Variants in DOCK4 observed in about 807,000 individuals in gnomAD.
DOCK4 encodes the protein dedicator of cytokinesis protein 4.
A neutral mutation model predicts 268.1 loss-of-function variants in DOCK4; 97 were observed. The observed-to-expected ratio is 0.36, with a 90% CI of 0.31 to 0.43. DOCK4 has a LOEUF of 0.43. Ranked by LOEUF, DOCK4 falls within the 20% of genes least tolerant of loss-of-function variation. DOCK4 has a pLI of 1.00. For synonymous variants in DOCK4, 954 were observed against 887.2 expected, an observed-to-expected ratio of 1.08 and a Z score of -1.34; for missense variants, 2,145 against 2,455.7, an observed-to-expected ratio of 0.87 and a Z score of 2.67.
At chr7:111,846,943 T>C in intron 24 of DOCK4, 56 bp downstream of exon 24, 1 of 1,558,428 alleles carries the variant, frequency 6.4e-7, no homozygotes, top group Non-Finnish European at 8.7e-7. Flanking sequence ...CTATTACAAG[T>C]TTATTTCCAG....
At chr7:112,000,571 C>G in intron 2 of DOCK4, 37 bp from the exon 3 acceptor site, 2 of 1,445,784 alleles carry the variant, frequency 1.4e-6, no homozygotes, top group Non-Finnish European at 1.9e-6. Context: ...TTTGATAAAC[C>G]ATTGTAATAT....
intron 42 of DOCK4, among the ~76,000 whole-genome samples, chr7:111,753,415 C>A (rs1796823550): frequency 6.6e-6 from 1 of 152,056 alleles, no homozygotes; most frequent in African/African-American, 2.4e-5. Flanking sequence ...GTCAAGGCTG[C>A]AGTGAGCCAT....
intron 8 of DOCK4, among the ~76,000 whole-genome samples, chr7:111,974,640 T>C (rs1798028735): frequency 6.8e-6 from 1 of 147,522 alleles, no homozygotes; most frequent in Admixed American, 6.8e-5. Flanking sequence ...GAGGGAAAAG[T>C]GGAGGGAGAG....
rs143072089 is a variant in DOCK4, at chr7:112,162,998, C to T, written c.37+43104G>A. 1.1e-4 allele frequency among the ~76,000 whole-genome samples: 16 copies of T among 152,238 alleles called. No homozygotes were observed. The East Asian group carries it at 2.3e-3, about 22-fold the overall frequency. ...CACTGCCTGAGTGTGGGGAGCCAGA[C>T]GTCAACTTATCCTCCTTTGTAGCTG... On this transcript the variant is annotated intron_variant, in intron 1 of 52. Coordinates refer to ENST00000428084, the MANE Select transcript of DOCK4 (RefSeq NM_001363540.2).
chr7:111,889,329 T>C (rs1808103331), intron 16 of DOCK4, among the ~76,000 whole-genome samples: 2 of 152,150 alleles, frequency 1.3e-5, no homozygotes, highest in Non-Finnish European at 1.5e-5. Flanking sequence ...CTAAGATTTA[T>C]AGATTATGGT....
intron 42 of DOCK4, among the ~76,000 whole-genome samples, chr7:111,751,255 T>G (rs1347377755): frequency 2.0e-5 from 3 of 152,170 alleles, no homozygotes; most frequent in Non-Finnish European, 4.4e-5. Context: ...TTCACTGGGA[T>G]GCAGTCTGCA....
At chr7:111,898,503 T>A (rs991525734) in intron 15 of DOCK4, among the ~76,000 whole-genome samples, 2 of 152,244 alleles carry the variant, frequency 1.3e-5, no homozygotes, top group Non-Finnish European at 2.9e-5. Context: ...AGCTATTATC[T>A]GTCTTTCCTC....
At chr7:112,011,642 A>G (rs1801320404) in intron 1 of DOCK4, among the ~76,000 whole-genome samples, 1 of 150,460 alleles carries the variant, frequency 6.6e-6, no homozygotes, top group African/African-American at 2.5e-5. Flanking sequence ...CAATAAATGA[A>G]CCCGTTTTAT....
At chr7:111,953,788 G>C (rs1245317604) in intron 8 of DOCK4, 2 of 152,238 alleles carry the variant, frequency 1.3e-5, no homozygotes, top group Admixed American at 1.3e-4. Context: ...CTACCAGGGA[G>C]AACAAAGGTT....
At chr7:111,994,873 G>A (rs1456134797) in intron 4 of DOCK4, among the ~76,000 whole-genome samples, 1 of 152,026 alleles carries the variant, frequency 6.6e-6, no homozygotes, top group African/African-American at 2.4e-5. Context: ...GTTCCAAAAT[G>A]TTCCTCTTTC....
intron 12 of DOCK4, among the ~76,000 whole-genome samples, chr7:111,931,763 A>C (rs1478409895): frequency 6.6e-6 from 1 of 152,234 alleles, no homozygotes; most frequent in African/African-American, 2.4e-5. Flanking sequence ...TATTTCAGCT[A>C]GTGGCTTTAA....
At position 112,110,027 on chromosome 7, in the gene DOCK4, A is replaced by AG. The variant is rs375081446; in HGVS notation, c.37+96074dup. The stretch of plus-strand genomic sequence containing the variant: ...CCAAAGTGCTGGGATTACAGGCGTG[A>AG]GCCACCGCGCCCGGCCGTAAAATCA... On this transcript the variant is annotated intron_variant, in intron 1 of 52. Coordinates refer to ENST00000428084, the MANE Select transcript of DOCK4 (RefSeq NM_001363540.2). 2.5e-3 allele frequency among the ~76,000 whole-genome samples: 385 copies of AG among 152,082 alleles called. 1 individual carries two copies. Among genetic ancestry groups the AG allele is most frequent in the African/African-American group, 8.5e-3 (351 of 41,472 alleles).
chr7:111,752,329 A>G (rs1034868252), intron 42 of DOCK4, among the ~76,000 whole-genome samples: 3 of 152,172 alleles, frequency 2.0e-5, no homozygotes, highest in South Asian at 4.2e-4. Flanking sequence ...GACTACAGGG[A>G]TAAGGGGGAA....
At chr7:111,926,351 A>G (rs1043229744) in intron 12 of DOCK4, among the ~76,000 whole-genome samples, 3 of 146,284 alleles carry the variant, frequency 2.1e-5, no homozygotes, top group Non-Finnish European at 4.5e-5. Flanking sequence ...AAATCACTTG[A>G]ACCCGGGAGG....
Position 111,741,675 on chromosome 7 carries a change from A to G in DOCK4, c.4798-14T>C, listed in dbSNP as rs565634053. ...AGCAGAGAACTCCTAAAGATGTAGTAAAGGAAATATCTCATTACAGTAATG... is the reference window on the plus strand; with the variant it reads ...AGCAGAGAACTCCTAAAGATGTAGTGAAGGAAATATCTCATTACAGTAATG... On this transcript the variant is annotated splice_polypyrimidine_tract_variant and intron_variant, in intron 45 of 52. Transcript: ENST00000428084. 1 of 1,611,262 alleles carries G rather than the reference A, an allele frequency of 6.2e-7. No individual in the cohort carries two copies. The highest frequency in any genetic ancestry group is 2.2e-5 in the East Asian group (1 of 44,846).
At chr7:112,204,924 G>A (rs1821259315) in intron 1 of DOCK4, among the ~76,000 whole-genome samples, 1 of 151,598 alleles carries the variant, frequency 6.6e-6, no homozygotes, top group South Asian at 2.1e-4. Context: ...ACACCAGTCG[G>A]CAGAACAGGG....
At chr7:112,010,398 C>A (rs1396107014) in intron 1 of DOCK4, among the ~76,000 whole-genome samples, 2 of 152,188 alleles carry the variant, frequency 1.3e-5, no homozygotes, top group Non-Finnish European at 1.5e-5. Flanking sequence ...TTATTCCCTT[C>A]AGTTTTTTCC....
intron 1 of DOCK4, among the ~76,000 whole-genome samples, chr7:112,110,880 C>T (rs1253461409): frequency 6.6e-6 from 1 of 152,298 alleles, no homozygotes; most frequent in South Asian, 2.1e-4. Flanking sequence ...CCGCTCCCCA[C>T]GGAAATGTGC....
chr7:111,824,678 A>G (rs2133980203), intron 26 of DOCK4, among the ~76,000 whole-genome samples: 1 of 152,274 alleles, frequency 6.6e-6, no homozygotes, highest in Non-Finnish European at 1.5e-5. Context: ...CTATCTTACC[A>G]GCTAGCAACT....
Sources: gnomAD v4.1 joint callset for allele counts (sites outside exome capture counted in the v4.1 genomes callset) on GRCh38, gnomAD v4.1.1 for gene constraint, MANE v1.5 for transcripts, NCBI Gene and HGNC (gene_info 2026-07-23, HGNC 2026-07-21) for gene names.